CFAP54: variants seen among roughly 807,000 people sequenced by gnomAD.
CFAP54 encodes cilia and flagella associated protein 54, also known as cilia- and flagella-associated protein 54.
A neutral mutation model predicts 370.4 loss-of-function variants in CFAP54; 290 were observed. That is an observed-to-expected ratio of 0.78 (90% CI 0.71 to 0.86). The LOEUF (loss-of-function observed/expected upper bound fraction) is 0.86, where lower values mean the gene tolerates loss of function less well. Among genes scored for constraint, CFAP54 ranks in the 40% least tolerant of loss-of-function variants. The pLI is 0.00. For missense variants in CFAP54, 3,399 were observed against 3,528.7 expected (o/e 0.96, Z 0.93); for synonymous variants, 1,206 against 1,236.5 (o/e 0.98, Z 0.52).
chr12:96,782,879 C>A (rs1410019389), intron 60 of CFAP54, among the ~76,000 whole-genome samples: 2 of 152,030 alleles, frequency 1.3e-5, no homozygotes, highest in African/African-American at 2.4e-5. Context: ...TTGTTCATAA[C>A]AGTAAAGACC....
At chr12:96,842,717 A>G (rs777647079) in intron 66 of CFAP54, among the ~76,000 whole-genome samples, 11 of 152,182 alleles carry the variant, frequency 7.2e-5, no homozygotes, top group Non-Finnish European at 1.2e-4. Context: ...GCACTCAGCG[A>G]AAGTGCTCCT....
intron 67 of CFAP54, among the ~76,000 whole-genome samples, chr12:96,870,912 G>C (rs143632620): frequency 3.2e-4 from 49 of 152,232 alleles, no homozygotes; most frequent in Non-Finnish European, 6.3e-4. Context: ...ACTAGGTGAG[G>C]TCCACATTTA....
intron 50 of CFAP54, among the ~76,000 whole-genome samples, chr12:96,726,221 C>T (rs2136618263): frequency 6.6e-6 from 1 of 151,464 alleles, no homozygotes; most frequent in African/African-American, 2.4e-5. Context: ...CCCTCTTTTT[C>T]TATTGATTGG....
Position 96,580,708 on chromosome 12 carries a change from CAGGAAATCTTACTGA to C in CFAP54, c.2889+22_2889+36del, listed in dbSNP as rs1417012959. The stretch of plus-strand genomic sequence containing the variant: ...AGAAGCGGTACGTCAAATTAAACAT[CAGGAAATCTTACTGA>C]AGCCTTTAATGATAATTAAATTTTT... On this transcript the variant is annotated intron_variant, in intron 21 of 67. Coordinates refer to ENST00000524981, the MANE Select transcript of CFAP54 (RefSeq NM_001306084.2). 7.1e-7 allele frequency: 1 copy of C among 1,417,458 alleles called. No individual in the cohort carries two copies. The highest frequency in any genetic ancestry group is 9.5e-7 in the Non-Finnish European group (1 of 1,050,760). The allele number at this position is 1,417,458 out of a possible 1,614,324, so 87.8% of individuals were successfully genotyped here. A position where few individuals can be genotyped will look rare whatever the true frequency, so the allele number is the denominator to read the frequency against.
intron 26 of CFAP54, among the ~76,000 whole-genome samples, chr12:96,615,976 C>G (rs1474919880): frequency 6.6e-6 from 1 of 152,170 alleles, no homozygotes; most frequent in Non-Finnish European, 1.5e-5. Context: ...GGATCTAGAA[C>G]TAGAAATACC....
intron 1 of CFAP54, among the ~76,000 whole-genome samples, chr12:96,497,194 C>G (rs540739556): frequency 3.3e-5 from 5 of 152,014 alleles, no homozygotes; most frequent in Non-Finnish European, 5.9e-5. Flanking sequence ...TTCATGTAGT[C>G]GTTAAGAGCA....
chr12:96,686,405 A>T (rs765986293), intron 42 of CFAP54, among the ~76,000 whole-genome samples: 2 of 152,224 alleles, frequency 1.3e-5, no homozygotes, highest in African/African-American at 2.4e-5. Context: ...TGCTACAAAG[A>T]AATACCCAAG....
intron 55 of CFAP54, among the ~76,000 whole-genome samples, chr12:96,752,443 G>A (rs1958197496): frequency 6.6e-6 from 1 of 152,128 alleles, no homozygotes; most frequent in Non-Finnish European, 1.5e-5. Flanking sequence ...ACCAATGACT[G>A]GCCAGGATCC....
At chr12:96,626,773 G>A (rs189289107) in intron 29 of CFAP54, 40 bp from the exon 30 acceptor site, 690 of 1,153,252 alleles carry the variant, frequency 6.0e-4, no homozygotes, top group Non-Finnish European at 7.3e-4. Flanking sequence ...TAATAATTGA[G>A]TATATTGTTA....
chr12:96,693,698 CA>C, intron 44 of CFAP54, 23 bp from the exon 45 acceptor site: 1 of 1,410,464 alleles, frequency 7.1e-7, no homozygotes. Context: ...TATTTTGAAA[CA>C]AAGAGTGTTT....
chr12:96,562,037 C>T (rs971523730), intron 17 of CFAP54, among the ~76,000 whole-genome samples: 13 of 151,942 alleles, frequency 8.6e-5, no homozygotes, highest in African/African-American at 2.7e-4. Flanking sequence ...CTGCCTGCCT[C>T]GGCCTCCCAA....
At chr12:96,652,367 A>G (rs1313245300) in intron 36 of CFAP54, among the ~76,000 whole-genome samples, 1 of 152,230 alleles carries the variant, frequency 6.6e-6, no homozygotes, top group Non-Finnish European at 1.5e-5. Context: ...CTAGAGGAAA[A>G]TATTTGGCAA....
At chr12:96,798,357 T>A (rs1223693707) in intron 63 of CFAP54, among the ~76,000 whole-genome samples, 2 of 152,142 alleles carry the variant, frequency 1.3e-5, no homozygotes, top group Non-Finnish European at 2.9e-5. Context: ...TTACATTTAT[T>A]TGTAAAATAA....
At chr12:96,759,291 G>GAAAA (rs35885233) in intron 58 of CFAP54, among the ~76,000 whole-genome samples, 14 of 141,600 alleles carry the variant, frequency 9.9e-5, no homozygotes, top group African/African-American at 3.6e-4. Context: ...TCCAGTAACA[G>GAAAA]AAAAAAAAAA....
chr12:96,725,886 G>A (rs1225580619), intron 50 of CFAP54, among the ~76,000 whole-genome samples: 3 of 150,984 alleles, frequency 2.0e-5, no homozygotes, highest in Non-Finnish European at 3.0e-5. Flanking sequence ...TTAGCATGAA[G>A]GGTTGTTGAA....
intron 9 of CFAP54, among the ~76,000 whole-genome samples, chr12:96,529,501 A>G (rs778176188): frequency 1.2e-4 from 19 of 152,072 alleles, no homozygotes; most frequent in Non-Finnish European, 2.5e-4. Context: ...CATTACTCCA[A>G]ATTTTCTCTG....
At chr12:96,534,297 G>C (rs904896996) in intron 11 of CFAP54, 70 bp downstream of exon 11, 3 of 915,998 alleles carry the variant, frequency 3.3e-6, no homozygotes, top group Non-Finnish European at 4.8e-6. Context: ...TATGGTGAGA[G>C]AAAGGATGTT....
intron 6 of CFAP54, 33 bp downstream of exon 6, chr12:96,519,104 T>TC: frequency 7.2e-7 from 1 of 1,389,694 alleles, no homozygotes; most frequent in Non-Finnish European, 9.6e-7. Flanking sequence ...GGAGTCGAGT[T>TC]TTTTTTTTTT....
intron 50 of CFAP54, among the ~76,000 whole-genome samples, chr12:96,729,052 G>T (rs1957881543): frequency 6.6e-6 from 1 of 152,154 alleles, no homozygotes; most frequent in Non-Finnish European, 1.5e-5. Context: ...TGTCTCAGAG[G>T]AGTACCCGGC....
Sources: gnomAD v4.1 joint callset for allele counts (sites outside exome capture counted in the v4.1 genomes callset) on GRCh38, gnomAD v4.1.1 for gene constraint, MANE v1.5 for transcripts, NCBI Gene and HGNC (gene_info 2026-07-23, HGNC 2026-07-21) for gene names.